Variants in IFT122 observed in about 807,000 individuals in gnomAD.
IFT122 encodes the protein intraflagellar transport protein 122 homolog.
IFT122 carries 118 observed loss-of-function variants against 161.6 expected under a neutral mutation model. The ratio of observed to expected loss-of-function variants is 0.73; its 90% CI spans 0.63 to 0.85. The LOEUF is 0.85. Ranked by LOEUF, IFT122 falls within the 40% of genes least tolerant of loss-of-function variation. The probability of loss-of-function intolerance (pLI) is 0.00; values close to 1 mark genes in which losing one functional copy is unlikely to be tolerated. For synonymous variants in IFT122, 550 were observed against 602.4 expected (o/e 0.91, Z 1.27); for missense variants, 1,381 against 1,579.6 (o/e 0.87, Z 2.13).
intron 18 of IFT122, among the ~76,000 whole-genome samples, chr3:129,497,412 G>A (rs949577203): frequency 4.6e-5 from 7 of 152,186 alleles, no homozygotes; most frequent in Admixed American, 1.3e-4. Flanking sequence ...GCTCAGTTTA[G>A]TCATGAGATT....
intron 21 of IFT122, among the ~76,000 whole-genome samples, chr3:129,505,098 T>C (rs2082057308): frequency 6.6e-6 from 1 of 152,238 alleles, no homozygotes; most frequent in East Asian, 1.9e-4. Context: ...CTTCCCTCTC[T>C]GTGTCAGGCC....
intron 26 of IFT122, among the ~76,000 whole-genome samples, chr3:129,515,873 C>T (rs571121909): frequency 1.2e-4 from 19 of 152,248 alleles, no homozygotes; most frequent in African/African-American, 3.1e-4. Flanking sequence ...AAAGAGAGTC[C>T]GATGGCTTTG....
At chr3:129,481,366 C>T (rs1429634260) in intron 13 of IFT122, 164 bp from the exon 14 acceptor site, 4 of 701,364 alleles carry the variant, frequency 5.7e-6, no homozygotes, top group African/African-American at 1.8e-5. Flanking sequence ...GCCATTGCCC[C>T]CCACCCCCCT....
intron 2 of IFT122, among the ~76,000 whole-genome samples, chr3:129,450,807 A>G (rs1004791268): frequency 7.7e-6 from 1 of 130,032 alleles, no homozygotes; most frequent in African/African-American, 3.0e-5. Context: ...TGCAAGCTCC[A>G]CCTCCCGGGT....
At chr3:129,477,478 TC>T (rs1383451539) in intron 11 of IFT122, among the ~76,000 whole-genome samples, 2 of 152,176 alleles carry the variant, frequency 1.3e-5, no homozygotes, top group Non-Finnish European at 2.9e-5. Context: ...CAGATGAGTG[TC>T]CTTTGGTCCC....
intron 17 of IFT122, among the ~76,000 whole-genome samples, chr3:129,493,974 A>G (rs67544893): frequency 0.13 from 20,118 of 152,192 alleles, 1,688 homozygotes; most frequent in South Asian, 0.24. Flanking sequence ...GACTGCCTGC[A>G]GACTTATTTG....
At chr3:129,468,912 G>A (rs1402696370) in intron 8 of IFT122, among the ~76,000 whole-genome samples, 1 of 152,226 alleles carries the variant, frequency 6.6e-6, no homozygotes, top group Non-Finnish European at 1.5e-5. Context: ...GAGCAAGCAA[G>A]TTTCCCTTCT....
At chr3:129,450,496 C>T (rs907557627) in intron 2 of IFT122, among the ~76,000 whole-genome samples, 5 of 151,874 alleles carry the variant, frequency 3.3e-5, no homozygotes, top group African/African-American at 4.8e-5. Flanking sequence ...AAGTCTACTT[C>T]CTCTTCTCTG....
chr3:129,497,717 G>A (rs2081045891), intron 18 of IFT122, among the ~76,000 whole-genome samples: 1 of 152,152 alleles, frequency 6.6e-6, no homozygotes, highest in Admixed American at 6.5e-5. Flanking sequence ...TTCCAAGGAG[G>A]TTGGTTCCTT....
chr3:129,505,232 C>T (rs1559988482), intron 21 of IFT122, among the ~76,000 whole-genome samples: 2 of 152,170 alleles, frequency 1.3e-5, no homozygotes, highest in Non-Finnish European at 2.9e-5. Context: ...TGGACCAGTA[C>T]CTCTCTGACT....
intron 9 of IFT122, among the ~76,000 whole-genome samples, chr3:129,471,527 G>A (rs1305368557): frequency 1.3e-5 from 2 of 152,198 alleles, no homozygotes; most frequent in Admixed American, 6.5e-5. Flanking sequence ...AGGGAATGGG[G>A]TCTTGTTGCT....
chr3:129,491,082 C>G (rs142131566), intron 16 of IFT122, among the ~76,000 whole-genome samples: 11 of 152,220 alleles, frequency 7.2e-5, no homozygotes, highest in African/African-American at 2.4e-4. Context: ...GGACAGGGGC[C>G]GAGACATGTT....
Position 129,495,435 on chromosome 3 carries a change from A to C in IFT122, c.2047-11A>C. 1 of 1,613,986 alleles carries C rather than the reference A, an allele frequency of 6.2e-7. No homozygotes were observed. Among genetic ancestry groups the C allele is most frequent in the Non-Finnish European group, 8.5e-7 (1 of 1,179,948 alleles). ...TGCAGAGGCCATTTCCTTTGCTTCT[A>C]ATTTTTCCAGGAGAGGAAGAAGCGG... On this transcript the variant is annotated splice_polypyrimidine_tract_variant and intron_variant, in intron 17 of 29. Transcript: ENST00000348417.
chr3:129,466,105 G>A (rs1345892869), intron 7 of IFT122, among the ~76,000 whole-genome samples: 1 of 152,136 alleles, frequency 6.6e-6, no homozygotes, highest in East Asian at 1.9e-4. Flanking sequence ...CACTGTGCCT[G>A]ACCCTATATG....
chr3:129,454,024 A>G (rs2075158618), intron 3 of IFT122, among the ~76,000 whole-genome samples: 1 of 152,210 alleles, frequency 6.6e-6, no homozygotes, highest in African/African-American at 2.4e-5. Context: ...TTGTAATGTT[A>G]TAATTCTTGA....
chr3:129,517,616 G>C (rs2084142479), intron 27 of IFT122, 22 bp downstream of exon 27: 1 of 1,609,986 alleles, frequency 6.2e-7, no homozygotes, highest in South Asian at 1.1e-5. Flanking sequence ...CTTGGCCAGA[G>C]CCTGTGTGTG....
At chr3:129,503,008 G>A in intron 20 of IFT122, 126 bp downstream of exon 20, 1 of 846,076 alleles carries the variant, frequency 1.2e-6, no homozygotes, top group Non-Finnish European at 1.8e-6. Context: ...GGAACATTGG[G>A]CTGGCAGTCA....
At chr3:129,494,729 T>C (rs986637462) in intron 17 of IFT122, among the ~76,000 whole-genome samples, 2 of 152,024 alleles carry the variant, frequency 1.3e-5, no homozygotes, top group Non-Finnish European at 2.9e-5. Context: ...CATCACTTGC[T>C]TCAAAAGACT....
rs561129160 is a variant in IFT122, at chr3:129,477,943, G to A, written c.1148-73G>A. 1.2e-5 allele frequency: 16 copies of A among 1,285,820 alleles called. No homozygotes were observed. In the East Asian group the frequency reaches 3.7e-4, roughly 30 times the overall value. 79.7% of individuals were successfully genotyped at this position (1,285,820 alleles called of 1,614,324 possible). The stretch of plus-strand genomic sequence containing the variant: ...TTGCCAGTAGCGCTAAGTAAATGAT[G>A]GCTTTTAATTTCTCTGCCTTGCACC... On this transcript the variant is annotated intron_variant, in intron 11 of 29. Transcript: ENST00000348417.
Sources: gnomAD v4.1 joint callset for allele counts (sites outside exome capture counted in the v4.1 genomes callset) on GRCh38, gnomAD v4.1.1 for gene constraint, MANE v1.5 for transcripts, NCBI Gene and HGNC (gene_info 2026-07-23, HGNC 2026-07-21) for gene names.